SFXN1: variants seen among roughly 807,000 people sequenced by gnomAD.
SFXN1 encodes the protein sideroflexin-1.
SFXN1 carries 32 observed loss-of-function variants against 39.5 expected under a neutral mutation model. The ratio of observed to expected loss-of-function variants is 0.81; its 90% CI spans 0.61 to 1.09. The LOEUF (loss-of-function observed/expected upper bound fraction) is 1.09, where lower values mean the gene tolerates loss of function less well. Ranked by LOEUF, SFXN1 falls within the 50% of genes least tolerant of loss-of-function variation. SFXN1 has a pLI of 0.00. For synonymous variants in SFXN1, 136 were observed against 146.5 expected, an observed-to-expected ratio of 0.93 and a Z score of 0.52; for missense variants, 402 against 407.1, an observed-to-expected ratio of 0.99 and a Z score of 0.11.
rs1359323084 is a variant in SFXN1 at position 175,524,117 on chromosome 5, AAAAAAAAAATATATATATATATATATAT to A, written c.872+1697_872+1724del. 27 of 53,458 alleles carry A rather than the reference AAAAAAAAAATATATATATATATATATAT, an allele frequency of 5.1e-4. 1 individual carries two copies. The East Asian group carries it at 5.7e-3, about 11-fold the overall frequency. The allele number at this position is 53,458 out of a possible 1,614,324, so 3.3% of individuals were successfully genotyped here. On this transcript the variant is annotated intron_variant, in intron 10 of 10. Coordinates refer to ENST00000321442, the MANE Select transcript of SFXN1 (RefSeq NM_022754.7). ...AGATTCTGTCTCAAAAAAAAAAAAA[AAAAAAAAAATATATATATATATATATAT>A]ATATATATATATATATATATATATA...
chr5:175,511,676 T>G, intron 5 of SFXN1, 150 bp downstream of exon 5: 1 of 675,746 alleles, frequency 1.5e-6, no homozygotes, highest in Non-Finnish European at 2.5e-6. Flanking sequence ...AGTTATATCT[T>G]CCAATAAGTT....
At position 175,509,326 on chromosome 5, in the gene SFXN1, T is replaced by C. The variant is rs1035964308; in HGVS notation, c.335+124T>C. On this transcript the variant is annotated intron_variant, in intron 3 of 10. Transcript: ENST00000321442. ...TAAGTATATGAAGTGACAAACAAGGTAATTAGCTTGATTGAATCATTCCGT... is the reference window on the plus strand; with the variant it reads ...TAAGTATATGAAGTGACAAACAAGGCAATTAGCTTGATTGAATCATTCCGT... 4 of 918,058 alleles carry C rather than the reference T, an allele frequency of 4.4e-6. No individual in the cohort carries two copies. The African/African-American group carries it at 6.9e-5, about 16-fold the overall frequency. 56.9% of individuals were successfully genotyped at this position (918,058 alleles called of 1,614,324 possible).
chr5:175,483,250 A>T (rs1482388990), intron 1 of SFXN1, among the ~76,000 whole-genome samples: 1 of 152,214 alleles, frequency 6.6e-6, no homozygotes, highest in Non-Finnish European at 1.5e-5. Flanking sequence ...TAACAGTTCC[A>T]GGTAGCCGAC....
intron 8 of SFXN1, among the ~76,000 whole-genome samples, chr5:175,517,490 C>G (rs1047946327): frequency 1.3e-5 from 2 of 152,102 alleles, no homozygotes; most frequent in African/African-American, 4.8e-5. Flanking sequence ...ACCTCACTGG[C>G]TACAAGGGAG....
rs1042620015 is a variant in SFXN1, at chr5:175,522,292, G to A, written c.825-83G>A. ...AACGTAATGCTCTGAAGAAAGAAGG[G>A]ATTGTTATAAAAGTAAAATAGAAAA... On this transcript the variant is annotated intron_variant, in intron 9 of 10. Coordinates refer to ENST00000321442, the MANE Select transcript of SFXN1 (RefSeq NM_022754.7). 13 of 1,341,396 alleles carry A rather than the reference G, an allele frequency of 9.7e-6. No individual in the cohort carries two copies. The East Asian group carries it at 3.0e-4, about 31-fold the overall frequency. The allele number at this position is 1,341,396 out of a possible 1,614,324, so 83.1% of individuals were successfully genotyped here. A position where few individuals can be genotyped will look rare whatever the true frequency, so the allele number is the denominator to read the frequency against.
intron 8 of SFXN1, among the ~76,000 whole-genome samples, chr5:175,519,952 C>T (rs913369529): frequency 7.2e-6 from 1 of 138,884 alleles, no homozygotes. Context: ...TCACTGCAAA[C>T]TCTGCCTCCC....
At chr5:175,522,679 CTG>C (rs1388764584) in intron 10 of SFXN1, 1 of 407,484 alleles carries the variant, frequency 2.5e-6, no homozygotes, top group South Asian at 4.4e-5. Context: ...CAGATTAACT[CTG>C]ATGCAAATTT....
intron 1 of SFXN1, among the ~76,000 whole-genome samples, chr5:175,482,879 C>G (rs1044103179): frequency 2.0e-5 from 3 of 152,126 alleles, no homozygotes; most frequent in African/African-American, 7.2e-5. Flanking sequence ...CGGGAAATTA[C>G]ACCACAGGGC....
At chr5:175,513,414 G>GT in intron 6 of SFXN1, 49 bp from the exon 7 acceptor site, 3 of 1,574,228 alleles carry the variant, frequency 1.9e-6, no homozygotes, top group Non-Finnish European at 2.6e-6. Context: ...ATTTCAGGAC[G>GT]TTTATTGAAG....
chr5:175,492,358 C>CT (rs920827169), intron 2 of SFXN1, 91 bp downstream of exon 2: 9,639 of 948,126 alleles, frequency 0.01, no homozygotes, highest in South Asian at 0.014. Context: ...GATTTTACAA[C>CT]TTTTTTTTTT....
In SFXN1 at chr5:175,516,607, T is replaced by C. The variant is rs368083618; in HGVS notation, c.725-7T>C. ...AAAGATTTAAGTGGATCTATCTTTA[T>C]TTCCAGCCATCCCTCCATTCATTAT... On this transcript the variant is annotated splice_polypyrimidine_tract_variant and splice_region_variant and intron_variant, in intron 7 of 10. Transcript: ENST00000321442. The C allele has an allele frequency of 7.1e-5, 114 of 1,610,398 alleles. No homozygotes were observed. Among genetic ancestry groups the C allele is most frequent in the Middle Eastern group, 4.9e-4 (3 of 6,072 alleles).
Position 175,510,205 on chromosome 5 carries a change from CAAGT to C in SFXN1, c.434+2_434+5del. On this transcript the variant is annotated splice_donor_variant and coding_sequence_variant, in exon 4 of 11. Transcript: ENST00000321442. LOFTEE classifies it high-confidence loss of function. ...GAAGTGGAGACGCACCCCTCACTGT[CAAGT>C]AAGGCTACGAGAATTGACCACTCTC... is the stretch of plus-strand genomic sequence containing the variant. 1.9e-6 allele frequency: 3 copies of C among 1,608,856 alleles called. No individual in the cohort carries two copies. Among genetic ancestry groups the C allele is most frequent in the Non-Finnish European group, 2.5e-6 (3 of 1,176,944 alleles).
intron 10 of SFXN1, 113 bp downstream of exon 10, chr5:175,522,535 A>G (rs1760914804): frequency 1.0e-5 from 11 of 1,081,304 alleles, no homozygotes; most frequent in Middle Eastern, 2.1e-4. Flanking sequence ...CTCAAAAGAT[A>G]CTGAAGCCAG....
chr5:175,489,688 T>G (rs1759586792), intron 1 of SFXN1, among the ~76,000 whole-genome samples: 1 of 152,132 alleles, frequency 6.6e-6, no homozygotes, highest in Non-Finnish European at 1.5e-5. Context: ...TCTGATCCAG[T>G]GGAACACATC....
intron 2 of SFXN1, among the ~76,000 whole-genome samples, chr5:175,505,513 G>A (rs1581297587): frequency 6.9e-6 from 1 of 145,638 alleles, no homozygotes; most frequent in East Asian, 2.0e-4. Context: ...TTCCAGCCTG[G>A]GCGACAAGAG....
At position 175,510,217 on chromosome 5, in the gene SFXN1, C is replaced by A. The variant is rs565523734; in HGVS notation, c.434+10C>A. The A allele has an allele frequency of 6.3e-7, 1 of 1,599,512 alleles. No homozygotes were observed. The highest frequency in any genetic ancestry group is 1.1e-5 in the South Asian group (1 of 89,372). On this transcript the variant is annotated intron_variant, in intron 4 of 10. Transcript: ENST00000321442. The stretch of plus-strand genomic sequence containing the variant: ...CACCCCTCACTGTCAAGTAAGGCTA[C>A]GAGAATTGACCACTCTCTGCAGTTC...
At position 175,507,787 on chromosome 5, in the gene SFXN1, A is replaced by G. The variant is rs566774618; in HGVS notation, c.165-1245A>G. ...AGAGTTCAGAACCAGCCTGGGCAAC[A>G]TGGTGAAATCCTGTGTCTACAAAAA... On this transcript the variant is annotated intron_variant, in intron 2 of 10. Transcript: ENST00000321442. 2.2e-4 allele frequency among the ~76,000 whole-genome samples: 34 copies of G among 152,294 alleles called. No individual in the cohort carries two copies. The South Asian group carries it at 6.2e-3, about 28-fold the overall frequency.
chr5:175,488,605 A>G (rs1171851519), intron 1 of SFXN1, among the ~76,000 whole-genome samples: 1 of 152,184 alleles, frequency 6.6e-6, no homozygotes, highest in Non-Finnish European at 1.5e-5. Context: ...GGCCGACACC[A>G]GATGCATTTC....
intron 8 of SFXN1, among the ~76,000 whole-genome samples, chr5:175,517,736 G>T (rs571302731): frequency 6.6e-6 from 1 of 151,976 alleles, no homozygotes; most frequent in Non-Finnish European, 1.5e-5. Context: ...ACTTTTCCAC[G>T]TTCAAAACAC....
Sources: gnomAD v4.1 joint callset for allele counts (sites outside exome capture counted in the v4.1 genomes callset) on GRCh38, gnomAD v4.1.1 for gene constraint, MANE v1.5 for transcripts, NCBI Gene and HGNC (gene_info 2026-07-23, HGNC 2026-07-21) for gene names.